The following SORCS2 variants were observed in gnomAD, a reference collection of about 807,000 sequenced individuals.
SORCS2 encodes the protein sortilin related VPS10 domain containing receptor 2.
Under a neutral mutation model 141.6 loss-of-function variants are expected in SORCS2, and 100 were observed. The ratio of observed to expected loss-of-function variants is 0.71; its 90% confidence interval spans 0.60 to 0.83. SORCS2 has a LOEUF of 0.83. Among genes scored for constraint, SORCS2 ranks in the 40% least tolerant of loss-of-function variants. The probability of loss-of-function intolerance (pLI) is 0.00; values close to 1 mark genes in which losing one functional copy is unlikely to be tolerated. For missense variants in SORCS2, 1,646 were observed against 1,560.2 expected (o/e 1.05, Z -0.93); for synonymous variants, 789 against 676.9 (o/e 1.17, Z -2.57).
intron 1 of SORCS2, among the ~76,000 whole-genome samples, chr4:7,199,754 T>C (rs1034897056): frequency 1.3e-5 from 2 of 152,052 alleles, no homozygotes; most frequent in Non-Finnish European, 2.9e-5. Context: ...GATGAGACCT[T>C]GACTGTGGAT....
chr4:7,293,080 G>A (rs997693795), intron 1 of SORCS2, among the ~76,000 whole-genome samples: 5 of 152,026 alleles, frequency 3.3e-5, no homozygotes, highest in Admixed American at 6.5e-5. Flanking sequence ...CGAGGCGGGC[G>A]GATCATGAGG....
At chr4:7,462,324 G>A (rs1007009311) in intron 2 of SORCS2, among the ~76,000 whole-genome samples, 2 of 152,222 alleles carry the variant, frequency 1.3e-5, no homozygotes, top group African/African-American at 4.8e-5. Flanking sequence ...ACCTTCATGA[G>A]CCTCAGCTTG....
intron 1 of SORCS2, among the ~76,000 whole-genome samples, chr4:7,334,080 C>T (rs895018802): frequency 2.0e-5 from 3 of 152,170 alleles, no homozygotes; most frequent in Admixed American, 1.3e-4. Flanking sequence ...CCAAGCTCCT[C>T]CCCACCTTAG....
chr4:7,241,380 T>C (rs1712684885), intron 1 of SORCS2, among the ~76,000 whole-genome samples: 1 of 152,028 alleles, frequency 6.6e-6, no homozygotes, highest in Non-Finnish European at 1.5e-5. Flanking sequence ...TGGGCCCCGG[T>C]TGTTGTGTGG....
intron 18 of SORCS2, among the ~76,000 whole-genome samples, chr4:7,721,182 G>A (rs1165515747): frequency 6.6e-6 from 1 of 152,332 alleles, no homozygotes; most frequent in Non-Finnish European, 1.5e-5. Context: ...ACCTGCAGCA[G>A]GGCCCAGCAC....
At chr4:7,519,091 C>A (rs1369050248) in intron 2 of SORCS2, among the ~76,000 whole-genome samples, 3 of 152,286 alleles carry the variant, frequency 2.0e-5, no homozygotes, top group Admixed American at 6.5e-5. Flanking sequence ...GAAGTGTGCC[C>A]GGCGGAGGGC....
At chr4:7,390,399 C>T (rs1723778745) in intron 1 of SORCS2, among the ~76,000 whole-genome samples, 1 of 152,278 alleles carries the variant, frequency 6.6e-6, no homozygotes, top group Non-Finnish European at 1.5e-5. Flanking sequence ...CAGAACGTTT[C>T]TTGCTTCTTG....
Position 7,723,787 on chromosome 4 carries a change from C to G in SORCS2, c.2515C>G (p.Arg839Gly). ...CCTTACACTGACCGGGGAGCCCATCCGGCACCGCTACGAGAGCCCCGGCAT... is the reference window on the plus strand; with the variant it reads ...CCTTACACTGACCGGGGAGCCCATCGGGCACCGCTACGAGAGCCCCGGCAT... ...VNLTLTGEPI[R>G]HRYESPGIYR... The change falls in exon 19 of 27, where the codon CGG (arginine) becomes GGG (glycine). Residue 839 changes from arginine (R) to glycine (G), a missense_variant. Physicochemically the swap from Arg to Gly is moderately radical, Grantham distance 125. Transcript: ENST00000507866. 4 of 1,613,882 alleles carry G rather than the reference C, an allele frequency of 2.5e-6. No homozygotes were observed. The highest frequency in any genetic ancestry group is 3.4e-6 in the Non-Finnish European group (4 of 1,179,890).
chr4:7,323,780 A>C (rs536605096), intron 1 of SORCS2, among the ~76,000 whole-genome samples: 1 of 150,974 alleles, frequency 6.6e-6, no homozygotes, highest in Non-Finnish European at 1.5e-5. Flanking sequence ...TTTCCCCTCC[A>C]CCCCCGAGAA....
chr4:7,719,903 A>G (rs1726465921), intron 18 of SORCS2, among the ~76,000 whole-genome samples: 1 of 152,102 alleles, frequency 6.6e-6, no homozygotes, highest in Non-Finnish European at 1.5e-5. Flanking sequence ...GAGTGATCAA[A>G]AGATGCTCTT....
chr4:7,616,103 G>T (rs984721012), intron 3 of SORCS2, among the ~76,000 whole-genome samples: 1 of 152,162 alleles, frequency 6.6e-6, no homozygotes, highest in Non-Finnish European at 1.5e-5. Context: ...TATAGGAACA[G>T]GTTTTCAATA....
At chr4:7,519,441 C>G (rs1577687903) in intron 2 of SORCS2, among the ~76,000 whole-genome samples, 1 of 152,198 alleles carries the variant, frequency 6.6e-6, no homozygotes, top group East Asian at 1.9e-4. Context: ...TTTCTGACCC[C>G]AGACAAGTGA....
chr4:7,386,192 CACAT>C (rs1217184105), intron 1 of SORCS2, among the ~76,000 whole-genome samples: 11 of 136,016 alleles, frequency 8.1e-5, no homozygotes, highest in African/African-American at 1.7e-4. Flanking sequence ...CACATGCACA[CACAT>C]ACACATTTGC....
chr4:7,571,947 C>G (rs4689782), intron 3 of SORCS2, among the ~76,000 whole-genome samples: 85,107 of 152,008 alleles, frequency 0.56, 24,743 homozygotes, highest in East Asian at 0.82. Flanking sequence ...GCAAACGTGC[C>G]CTACCAGCTG....
chr4:7,603,975 A>G (rs768659475), intron 3 of SORCS2, among the ~76,000 whole-genome samples: 4 of 152,134 alleles, frequency 2.6e-5, no homozygotes, highest in Non-Finnish European at 5.9e-5. Context: ...AGTAAAATTC[A>G]TATGTGTGAC....
At chr4:7,600,067 C>T (rs1378833928) in intron 3 of SORCS2, among the ~76,000 whole-genome samples, 1 of 151,976 alleles carries the variant, frequency 6.6e-6, no homozygotes. Flanking sequence ...AGTGATCCAC[C>T]CACCTTGGCC....
At chr4:7,551,407 A>C (rs1232235010) in intron 3 of SORCS2, among the ~76,000 whole-genome samples, 2 of 152,192 alleles carry the variant, frequency 1.3e-5, no homozygotes, top group African/African-American at 4.8e-5. Flanking sequence ...GAGAAATTCA[A>C]AGTCCAGCGG....
chr4:7,620,049 C>CTT lies in SORCS2; in HGVS notation c.649-18279_649-18278insTT, dbSNP rs376346614. Among the ~76,000 whole-genome samples the CTT allele has an allele frequency of 3.3e-3, 279 of 84,060 alleles. 1 individual carries two copies. Among genetic ancestry groups the CTT allele is most frequent in the African/African-American group, 0.01 (262 of 26,030 alleles). The allele number at this position is 84,060 out of a possible 152,430, so 55.1% of individuals were successfully genotyped here. A position where few individuals can be genotyped will look rare whatever the true frequency, so the allele number is the denominator to read the frequency against. On this transcript the variant is annotated intron_variant, in intron 3 of 26. Coordinates refer to ENST00000507866, the MANE Select transcript of SORCS2 (RefSeq NM_020777.3). The stretch of plus-strand genomic sequence containing the variant: ...CCTCCTCCTCCTTCCTCCTCCTCCT[C>CTT]CTTCCTCTTCCTCCTCTTCTTCCTC...
intron 6 of SORCS2, among the ~76,000 whole-genome samples, chr4:7,662,161 C>T (rs1262252354): frequency 3.3e-5 from 5 of 152,224 alleles, no homozygotes; most frequent in African/African-American, 7.2e-5. Context: ...GAGTCCTCAA[C>T]GCGGGGTCAT....
Sources: gnomAD v4.1 joint callset for allele counts (sites outside exome capture counted in the v4.1 genomes callset) on GRCh38, gnomAD v4.1.1 for gene constraint, MANE v1.5 for transcripts, NCBI Gene and HGNC (gene_info 2026-07-23, HGNC 2026-07-21) for gene names.